The following TTN variants were observed in gnomAD, a reference collection of about 807,000 sequenced individuals.
TTN encodes connectin.
TTN carries 1,525 observed loss-of-function variants against 3,223.0 expected under a neutral mutation model. The ratio of observed to expected loss-of-function variants is 0.47; its 90% CI spans 0.45 to 0.49. TTN has a LOEUF of 0.49. TTN is among the 20% of genes least tolerant of loss of function. TTN has a pLI of 0.00. For missense variants in TTN, 40,786 were observed against 43,424.0 expected, an observed-to-expected ratio of 0.94 and a Z score of 5.40; for synonymous variants, 14,094 against 15,161.0, an observed-to-expected ratio of 0.93 and a Z score of 5.17.
chr2:178,747,283 A>C (rs1431073867), intron 47 of TTN: 1 of 1,613,278 alleles, frequency 6.2e-7, no homozygotes, highest in African/African-American at 1.3e-5. Flanking sequence ...AAGGTGTTGA[A>C]TATCTTTCAG....
chr2:178,781,407 A>G, intron 20 of TTN, 144 bp from the exon 21 acceptor site: 1 of 908,264 alleles, frequency 1.1e-6, no homozygotes, highest in Admixed American at 2.4e-5. Context: ...AGATTATAAG[A>G]TTGCTGAAAA....
Position 178,773,245 on chromosome 2 carries a change from C to T in TTN, c.7719G>A (p.Lys2573=). The change falls in exon 33 of 363, where the codon AAG becomes AAA. Residue 2573 remains lysine, a synonymous_variant. Coordinates refer to ENST00000589042, the MANE Select transcript of TTN (RefSeq NM_001267550.2). ...CTTCAATTTTATATTTAGAACTGGGCTTGATTTCCTTGTCCTTAAAATTCC... is the reference window on the plus strand; with the variant it reads ...CTTCAATTTTATATTTAGAACTGGGTTTGATTTCCTTGTCCTTAAAATTCC... The part of the protein sequence containing the change: ...VLWNFKDKEI[K]PSSKYKIEAH... 2 of 1,613,846 alleles carry T rather than the reference C, an allele frequency of 1.2e-6. No homozygotes were observed. The highest frequency in any genetic ancestry group is 8.5e-7 in the Non-Finnish European group (1 of 1,179,928).
chr2:178,532,697 G>A lies in TTN; in HGVS notation c.103918C>T (p.Pro34640Ser). 6.2e-7 allele frequency: 1 copy of A among 1,613,964 alleles called. No homozygotes were observed. Among genetic ancestry groups the A allele is most frequent in the Non-Finnish European group, 8.5e-7 (1 of 1,179,878 alleles). ...TAGTAAAAGTCATAATCAGGAGAAG[G>A]TGTACGCCGGCGGGCTGGTCTCACT... ...EIVRPARRRTPSPDYDFYYRP... is the reference protein window; with the variant it reads ...EIVRPARRRTSSPDYDFYYRP... The change falls in exon 358 of 363, where the codon CCT becomes TCT. Residue 34640 changes from proline to serine, a missense_variant. Coordinates refer to ENST00000589042, the MANE Select transcript of TTN (RefSeq NM_001267550.2).
At chr2:178,715,346 A>G in intron 89 of TTN, 82 bp from the exon 90 acceptor site, 2 of 1,505,824 alleles carry the variant, frequency 1.3e-6, no homozygotes, top group Non-Finnish European at 1.8e-6. Flanking sequence ...ACTCCATCAG[A>G]GAGATAGAGA....
At chr2:178,665,254 G>C in intron 165 of TTN, 123 bp downstream of exon 165, 1 of 990,238 alleles carries the variant, frequency 1.0e-6, no homozygotes, top group African/African-American at 1.6e-5. Context: ...TGGAACCTCA[G>C]ACACTTAAAA....
intron 92 of TTN, chr2:178,713,669 AT>A: frequency 2.8e-6 from 2 of 725,484 alleles, no homozygotes; most frequent in Non-Finnish European, 4.3e-6. Context: ...TCCAGGGACT[AT>A]TTTTCATTCC....
intron 235 of TTN, 46 bp downstream of exon 235, chr2:178,632,480 G>T (rs1188390382): frequency 6.3e-7 from 1 of 1,589,408 alleles, no homozygotes; most frequent in South Asian, 1.2e-5. Flanking sequence ...AAAACTAAAG[G>T]CAAAAAAAAT....
chr2:178,630,958 G>C lies in TTN; in HGVS notation c.44015-15C>G, dbSNP rs2059725574. 1 of 1,611,762 alleles carries C rather than the reference G, an allele frequency of 6.2e-7. No homozygotes were observed. Among genetic ancestry groups the C allele is most frequent in the South Asian group, 1.1e-5 (1 of 90,696 alleles). On this transcript the variant is annotated splice_polypyrimidine_tract_variant and intron_variant, in intron 237 of 362. Coordinates refer to ENST00000589042, the MANE Select transcript of TTN (RefSeq NM_001267550.2). ...AATTTCCCGATCTAGAAAAGTGAAG[G>C]GCCAGCATGGGTCATTAGCCTCTGG...
rs549170568 is a variant in TTN at position 178,759,558 on chromosome 2, A to T, written c.10115-386T>A. On this transcript the variant is annotated intron_variant, in intron 43 of 362. Coordinates refer to ENST00000589042, the MANE Select transcript of TTN (RefSeq NM_001267550.2). ...CAGGAAAGGTTTGATCTGGGCTTGT[A>T]GTTGCCTTCTGGGACAGGAAATGAG... Among the ~76,000 whole-genome samples the T allele has an allele frequency of 2.6e-5, 4 of 152,330 alleles. No homozygotes were observed. In the South Asian group the frequency reaches 8.3e-4, roughly 32 times the overall value.
chr2:178,762,415 T>G (rs982060130), intron 43 of TTN, among the ~76,000 whole-genome samples: 2 of 152,140 alleles, frequency 1.3e-5, no homozygotes, highest in East Asian at 3.8e-4. Flanking sequence ...ATAGTGAAAT[T>G]TTTCTCTTTC....
Position 178,651,554 on chromosome 2 carries a change from AGTT to A in TTN, c.39464-21_39464-19del. The A allele has an allele frequency of 6.2e-7, 1 of 1,612,352 alleles. No homozygotes were observed. The highest frequency in any genetic ancestry group is 8.5e-7 in the Non-Finnish European group (1 of 1,179,262). ...CTCGGGCACTATAAAAGATATTAGT[AGTT>A]GTTTAAGCTCATGGTTTCAATGAAA... On this transcript the variant is annotated intron_variant, in intron 206 of 362. Coordinates refer to ENST00000589042, the MANE Select transcript of TTN (RefSeq NM_001267550.2).
chr2:178,640,050 G>A lies in TTN; in HGVS notation c.40784C>T (p.Ala13595Val), dbSNP rs1346121054. ...PAPEPKPKPE[A>V]EVKTIKPPPV... ...ACATTGAGGATAAGCTTGCTCACCT[G>A]CTTCGGGCTTTGGTTTCGGTTCAGG... Residue 13595 changes from alanine to valine, a missense_variant and splice_region_variant, in exon 222 of 363, where the codon GCA (alanine) becomes GTA (valine). Transcript: ENST00000589042. 2.5e-6 allele frequency: 4 copies of A among 1,612,000 alleles called. No homozygotes were observed. Among genetic ancestry groups the A allele is most frequent in the Non-Finnish European group, 3.4e-6 (4 of 1,178,750 alleles).
chr2:178,715,387 G>A, intron 89 of TTN, 106 bp downstream of exon 89: 1 of 1,515,158 alleles, frequency 6.6e-7, no homozygotes, highest in East Asian at 2.3e-5. Context: ...TCTTTGTTGT[G>A]TCCTTTCCCT....
In TTN at chr2:178,704,641, C is replaced by T. The variant is rs766917273; in HGVS notation, c.29831G>A (p.Ser9944Asn). 1.2e-6 allele frequency: 2 copies of T among 1,612,432 alleles called. No homozygotes were observed. Among genetic ancestry groups the T allele is most frequent in the South Asian group, 2.2e-5 (2 of 90,894 alleles). Residue 9944 changes from serine to asparagine, a missense_variant, in exon 105 of 363, where the codon AGT becomes AAT. Transcript: ENST00000589042. The part of the protein sequence containing the change: ...WYKGTEKLEP[S>N]DKFEISIDGD... ...ATCAATGCTTATTTCAAATTTATCA[C>T]TGGGTTCCAGTTTTTCAGTTCCTTT...
In TTN at chr2:178,566,006, A is replaced by G. The variant is rs757763969; in HGVS notation, c.80126T>C (p.Ile26709Thr). 1.4e-5 allele frequency: 22 copies of G among 1,613,510 alleles called. No homozygotes were observed. The highest frequency in any genetic ancestry group is 1.9e-5 in the Non-Finnish European group (22 of 1,179,584). ...GTTCTTGACCTTTGCCCCTCCATCA[A>G]TGATGGGTGGCTCCCATACCAGGAA... ...SAFLVWEPPI[I>T]DGGAKVKNYV... The change falls in exon 326 of 363, where the codon ATT (isoleucine) becomes ACT (threonine). Residue 26709 changes from isoleucine to threonine, a missense_variant. Transcript: ENST00000589042.
At position 178,746,646 on chromosome 2, in the gene TTN, C is replaced by CT. The variant is rs1445473410; in HGVS notation, c.11312-4726dup. On this transcript the variant is annotated intron_variant, in intron 47 of 362. Coordinates refer to ENST00000589042, the MANE Select transcript of TTN (RefSeq NM_001267550.2). ...ATGTTTACAGCATGACACATGTACT[C>CT]TCCCCCTTCTCCTTTTTGAATGTTA... 4 of 1,613,276 alleles carry CT rather than the reference C, an allele frequency of 2.5e-6. No homozygotes were observed. In the Admixed American group the frequency reaches 6.7e-5, roughly 27 times the overall value.
In TTN at chr2:178,535,749, T is replaced by C. The variant is rs755507839; in HGVS notation, c.100866A>G (p.Lys33622=). 1.2e-6 allele frequency: 2 copies of C among 1,613,612 alleles called. No individual in the cohort carries two copies. Among genetic ancestry groups the C allele is most frequent in the Non-Finnish European group, 1.7e-6 (2 of 1,179,736 alleles). Reference sequence around the variant, plus strand: ...TCTGCCAGGTGATCACAGGATCTGGTTTGCCACTGAAAGGAATCTTGATGC... The same window carrying C: ...TCTGCCAGGTGATCACAGGATCTGGCTTGCCACTGAAAGGAATCTTGATGC... The part of the protein sequence containing the change: ...VVSIKIPFSG[K]PDPVITWQKG... The change falls in exon 358 of 363, where the codon AAA becomes AAG. Residue 33622 remains lysine, a synonymous_variant. Coordinates refer to ENST00000589042, the MANE Select transcript of TTN (RefSeq NM_001267550.2).
chr2:178,646,104 TTATATATATATA>T (rs71023450), intron 216 of TTN, 74 bp from the exon 217 acceptor site: 929 of 37,978 alleles, frequency 0.024, 57 homozygotes, highest in African/African-American at 0.065. Flanking sequence ...TTAATAGAAA[TTATATATATATA>T]TATATATATA....
Position 178,709,653 on chromosome 2 carries a change from C to T in TTN, c.28666G>A (p.Ala9556Thr), listed in dbSNP as rs1381808931. 1.2e-6 allele frequency: 2 copies of T among 1,613,910 alleles called. No individual in the cohort carries two copies. Among genetic ancestry groups the T allele is most frequent in the Non-Finnish European group, 1.7e-6 (2 of 1,179,804 alleles). The change falls in exon 99 of 363, where the codon GCA becomes ACA. Residue 9556 changes from alanine (A) to threonine (T), a missense_variant. Physicochemically the swap from Ala to Thr is moderately conservative, Grantham distance 58. Coordinates refer to ENST00000589042, the MANE Select transcript of TTN (RefSeq NM_001267550.2). ...NNTLVLQVRK[A>T]GMNDAGLYTC... is the part of the protein sequence containing the mutation. The stretch of plus-strand genomic sequence containing the variant: ...TACAAACCAGCGTCGTTCATGCCTG[C>T]TTTCCTGACTTGCAGCACTAACGTG...
Sources: gnomAD v4.1 joint callset for allele counts (sites outside exome capture counted in the v4.1 genomes callset) on GRCh38, gnomAD v4.1.1 for gene constraint, MANE v1.5 for transcripts, NCBI Gene and HGNC (gene_info 2026-07-23, HGNC 2026-07-21) for gene names.